The following SGIP1 variants were observed in gnomAD, a reference collection of about 807,000 sequenced individuals.
SGIP1 encodes SH3-containing GRB2-like protein 3-interacting protein 1.
In SGIP1, 38 loss-of-function variants were observed where a neutral mutation model predicts 107.5. That is an observed-to-expected ratio of 0.35 (90% CI 0.27 to 0.46). The LOEUF (loss-of-function observed/expected upper bound fraction) is 0.46. SGIP1 is among the 20% of genes least tolerant of loss of function. The probability of loss-of-function intolerance (pLI) is 1.00; values close to 1 mark genes in which losing one functional copy is unlikely to be tolerated. For missense variants in SGIP1, 929 were observed against 1,019.5 expected, an observed-to-expected ratio of 0.91 and a Z score of 1.21; for synonymous variants, 365 against 366.1, an observed-to-expected ratio of 1.00 and a Z score of 0.03.
chr1:66,592,390 C>T (rs2063786919), intron 1 of SGIP1, among the ~76,000 whole-genome samples: 1 of 152,318 alleles, frequency 6.6e-6, no homozygotes, highest in South Asian at 2.1e-4. Flanking sequence ...CTTGAGTCAA[C>T]ACAGCACATG....
chr1:66,616,090 C>T (rs1326527218), intron 1 of SGIP1: 1 of 152,216 alleles, frequency 6.6e-6, no homozygotes. Context: ...CTGTATTTTC[C>T]TGCTGCATGA....
intron 4 of SGIP1, among the ~76,000 whole-genome samples, chr1:66,639,558 T>C (rs2076398019): frequency 6.6e-6 from 1 of 152,230 alleles, no homozygotes; most frequent in South Asian, 2.1e-4. Flanking sequence ...CTACAATCTT[T>C]TGTGAAATAA....
rs889393561 is a variant in SGIP1, at chr1:66,682,164, A to G, written c.1110A>G (p.Val370=). The G allele has an allele frequency of 6.2e-7, 1 of 1,614,046 alleles. No homozygotes were observed. The highest frequency in any genetic ancestry group is 1.3e-5 in the African/African-American group (1 of 74,920). The part of the protein sequence containing the change: ...PPGPPGPPRN[V]LSPLNLEEVQ... ...GGCCTCCTGGGCCTCCTCGCAATGTACTATCGCCGCTCAATTTAGAAGAAG... is the reference window on the plus strand; with the variant it reads ...GGCCTCCTGGGCCTCCTCGCAATGTGCTATCGCCGCTCAATTTAGAAGAAG... Residue 370 remains valine, a synonymous_variant, in exon 15 of 25, where the codon GTA becomes GTG. Transcript: ENST00000371037.
chr1:66,642,310 C>T (rs1210055875), intron 5 of SGIP1, among the ~76,000 whole-genome samples: 5 of 152,174 alleles, frequency 3.3e-5, no homozygotes, highest in African/African-American at 4.8e-5. Context: ...TCCTTACCAC[C>T]TAGAAGGAGC....
At chr1:66,566,318 T>A (rs935474203) in intron 1 of SGIP1, among the ~76,000 whole-genome samples, 1 of 152,012 alleles carries the variant, frequency 6.6e-6, no homozygotes, top group Non-Finnish European at 1.5e-5. Context: ...AGGCACTGAT[T>A]CTTATTCCAT....
intron 1 of SGIP1, among the ~76,000 whole-genome samples, chr1:66,590,129 G>A (rs2063383756): frequency 6.6e-6 from 1 of 152,160 alleles, no homozygotes; most frequent in African/African-American, 2.4e-5. Context: ...AGTCACATAA[G>A]GATAAGAGAG....
chr1:66,731,826 G>A (rs2094024617), intron 20 of SGIP1, among the ~76,000 whole-genome samples: 1 of 152,194 alleles, frequency 6.6e-6, no homozygotes, highest in African/African-American at 2.4e-5. Context: ...GGCCCCTGGA[G>A]ACATTTCAGT....
intron 1 of SGIP1, among the ~76,000 whole-genome samples, chr1:66,574,202 C>T (rs1002120473): frequency 1.3e-4 from 20 of 152,158 alleles, no homozygotes; most frequent in Admixed American, 9.2e-4. Flanking sequence ...GGACAGGGAG[C>T]GGAAAGAGGC....
At chr1:66,570,641 G>A (rs1455219242) in intron 1 of SGIP1, among the ~76,000 whole-genome samples, 1 of 151,836 alleles carries the variant, frequency 6.6e-6, no homozygotes, top group Non-Finnish European at 1.5e-5. Context: ...TATTTACTGA[G>A]TGCCTACTGT....
chr1:66,703,621 T>C (rs996148055), intron 18 of SGIP1, among the ~76,000 whole-genome samples: 1 of 151,506 alleles, frequency 6.6e-6, no homozygotes. Flanking sequence ...ATATATTCTA[T>C]ATCATATGTG....
intron 1 of SGIP1, among the ~76,000 whole-genome samples, chr1:66,608,819 C>A (rs529802160): frequency 5.3e-5 from 8 of 152,292 alleles, no homozygotes; most frequent in African/African-American, 1.7e-4. Flanking sequence ...ACTCGCCATG[C>A]CTTATCTCAC....
At position 66,706,552 on chromosome 1, in the gene SGIP1, A is replaced by G. The variant is rs1002992480; in HGVS notation, c.1630+11059A>G. On this transcript the variant is annotated intron_variant, in intron 18 of 24. Coordinates refer to ENST00000371037, the MANE Select transcript of SGIP1 (RefSeq NM_032291.4). ...TTTAATAAATAAATGTAAAGATGAC[A>G]AAAGAAAAAAGAAAAAGGAAAAATG... is the stretch of plus-strand genomic sequence containing the variant. 3.3e-5 allele frequency among the ~76,000 whole-genome samples: 5 copies of G among 150,724 alleles called. No homozygotes were observed. The East Asian group carries it at 7.7e-4, about 23-fold the overall frequency.
chr1:66,584,106 T>C (rs1474678850), intron 1 of SGIP1, among the ~76,000 whole-genome samples: 1 of 152,132 alleles, frequency 6.6e-6, no homozygotes, highest in Non-Finnish European at 1.5e-5. Context: ...GCTTGTCTGA[T>C]TAAAGTGAAA....
intron 1 of SGIP1, among the ~76,000 whole-genome samples, chr1:66,571,612 A>G (rs545633394): frequency 4.6e-5 from 7 of 152,126 alleles, no homozygotes; most frequent in African/African-American, 1.7e-4. Flanking sequence ...TTGTTTAAAG[A>G]GTAAAATTTT....
Position 66,567,657 on chromosome 1 carries a change from A to C in SGIP1, c.10+33289A>C, listed in dbSNP as rs547702126. ...TTTAGGTTTTACATTTAAGTTTTTA[A>C]TCCATCTTGAGTTAATTTTTGTATA... On this transcript the variant is annotated intron_variant, in intron 1 of 24. Coordinates refer to ENST00000371037, the MANE Select transcript of SGIP1 (RefSeq NM_032291.4). Among the ~76,000 whole-genome samples the C allele has an allele frequency of 3.3e-5, 5 of 152,156 alleles. No homozygotes were observed. In the South Asian group the frequency reaches 1.0e-3, roughly 32 times the overall value.
intron 1 of SGIP1, among the ~76,000 whole-genome samples, chr1:66,561,511 T>G (rs754298307): frequency 3.9e-5 from 6 of 151,996 alleles, no homozygotes; most frequent in Non-Finnish European, 7.4e-5. Flanking sequence ...TGAAGAGATA[T>G]GTTTAAAAGG....
At chr1:66,660,350 G>A (rs1557507018) in intron 7 of SGIP1, among the ~76,000 whole-genome samples, 163 bp from the exon 8 acceptor site, 1 of 151,984 alleles carries the variant, frequency 6.6e-6, no homozygotes, top group Non-Finnish European at 1.5e-5. Flanking sequence ...CAGCAGCCTA[G>A]GAATGACCAT....
In SGIP1 at chr1:66,739,523, C is replaced by G. The variant is rs1339905813; in HGVS notation, c.2220C>G (p.Leu740=). ...DGGVTKLQAV[L]PPAVWNAEQQ... is the part of the protein sequence containing the mutation. ...GAGTCACCAAGCTCCAGGCAGTGCT[C>G]CCACCAGCAGTCTGGTATGAAGCCT... Residue 740 remains leucine, a synonymous_variant, in exon 22 of 25, where the codon CTC becomes CTG. Transcript: ENST00000371037. 1 of 1,613,756 alleles carries G rather than the reference C, an allele frequency of 6.2e-7. No individual in the cohort carries two copies. The highest frequency in any genetic ancestry group is 1.3e-5 in the African/African-American group (1 of 74,906).
chr1:66,730,945 C>T (rs1381207316), intron 20 of SGIP1, among the ~76,000 whole-genome samples: 5 of 152,160 alleles, frequency 3.3e-5, no homozygotes, highest in Non-Finnish European at 5.9e-5. Flanking sequence ...CCATTCTCCT[C>T]CCCATACCCC....
Sources: allele counts gnomAD v4.1 joint callset (sites outside exome capture counted in the v4.1 genomes callset), GRCh38; gene constraint gnomAD v4.1.1; transcripts MANE v1.5; gene names NCBI Gene and HGNC (gene_info 2026-07-23, HGNC 2026-07-21).